KAT2B: variants seen among roughly 807,000 people sequenced by gnomAD.
The protein encoded by KAT2B is lysine acetyltransferase 2B.
In KAT2B, 36 loss-of-function variants were observed where a neutral mutation model predicts 105.9. That is an observed-to-expected ratio of 0.34 (90% CI 0.26 to 0.45). The LOEUF is 0.45. KAT2B is among the 20% of genes least tolerant of loss of function. The pLI, the probability that KAT2B is intolerant of heterozygous loss-of-function variation, is 1.00. For synonymous variants in KAT2B, 397 were observed against 377.9 expected (o/e 1.05, Z -0.59); for missense variants, 820 against 1,021.6 (o/e 0.80, Z 2.69).
chr3:20,085,421 A>G (rs1165737581), intron 2 of KAT2B, among the ~76,000 whole-genome samples: 1 of 152,220 alleles, frequency 6.6e-6, no homozygotes, highest in African/African-American at 2.4e-5. Flanking sequence ...GTGATGAGGT[A>G]ACGTATTGTA....
At chr3:20,117,393 C>T (rs1699225461) in intron 7 of KAT2B, among the ~76,000 whole-genome samples, 2 of 152,238 alleles carry the variant, frequency 1.3e-5, no homozygotes, top group South Asian at 2.1e-4. Flanking sequence ...GTCTGCGTAT[C>T]GATGCAACTG....
At chr3:20,060,438 C>G (rs9875437) in intron 1 of KAT2B, among the ~76,000 whole-genome samples, 4,009 of 152,136 alleles carry the variant, frequency 0.026, 162 homozygotes, top group African/African-American at 0.091. Context: ...CCTGTCTCTA[C>G]TAAAAATACA....
At chr3:20,095,486 T>C in intron 3 of KAT2B, 78 bp downstream of exon 3, 1 of 974,782 alleles carries the variant, frequency 1.0e-6, no homozygotes, top group Non-Finnish European at 1.5e-6. Flanking sequence ...GTCGTGGCTG[T>C]GAAGGCTTTC....
chr3:20,062,148 A>AT (rs1338627956), intron 1 of KAT2B, among the ~76,000 whole-genome samples: 1 of 93,570 alleles, frequency 1.1e-5, no homozygotes, highest in African/African-American at 4.6e-5. Flanking sequence ...TATAATATAT[A>AT]AAAATATATA....
At position 20,137,075 on chromosome 3, in the gene KAT2B, C is replaced by G. The variant is rs758295068; in HGVS notation, c.1860+23C>G. On this transcript the variant is annotated intron_variant, in intron 12 of 17. Coordinates refer to ENST00000263754, the MANE Select transcript of KAT2B (RefSeq NM_003884.5). ...CAGGTTGGTTTCTCACCACGCAACA[C>G]TGTTTTGTCACTCCTTTTCTTAATA... is the stretch of plus-strand genomic sequence containing the variant. 7.9e-6 allele frequency: 9 copies of G among 1,134,936 alleles called. No homozygotes were observed. The African/African-American group carries it at 1.2e-4, about 15-fold the overall frequency. 70.3% of individuals were successfully genotyped at this position (1,134,936 alleles called of 1,614,324 possible). A position where few individuals can be genotyped will look rare whatever the true frequency, so the allele number is the denominator to read the frequency against.
chr3:20,053,042 A>C (rs1384276044), intron 1 of KAT2B, among the ~76,000 whole-genome samples: 1 of 152,200 alleles, frequency 6.6e-6, no homozygotes, highest in Non-Finnish European at 1.5e-5. Flanking sequence ...GGTCTGCAGC[A>C]GGGCAGCCTC....
intron 13 of KAT2B, among the ~76,000 whole-genome samples, chr3:20,142,028 C>T (rs1002098231): frequency 2.6e-5 from 4 of 152,154 alleles, no homozygotes; most frequent in African/African-American, 7.2e-5. Flanking sequence ...AAGCCATCAC[C>T]CCGCTGTCAG....
chr3:20,093,713 T>C (rs1416957974), intron 2 of KAT2B, among the ~76,000 whole-genome samples: 5 of 152,216 alleles, frequency 3.3e-5, no homozygotes, highest in African/African-American at 1.2e-4. Flanking sequence ...TTAATCTTTC[T>C]TTAAAAATCA....
chr3:20,060,760 A>G (rs1698086908), intron 1 of KAT2B, among the ~76,000 whole-genome samples: 1 of 152,120 alleles, frequency 6.6e-6, no homozygotes, highest in African/African-American at 2.4e-5. Context: ...CCCTGTCTCT[A>G]CCAAAAAATA....
At chr3:20,144,866 G>T (rs1039795204) in intron 13 of KAT2B, among the ~76,000 whole-genome samples, 32 of 151,632 alleles carry the variant, frequency 2.1e-4, no homozygotes, top group African/African-American at 6.8e-4. Flanking sequence ...CACAACCTTG[G>T]TTCACTGCAA....
intron 8 of KAT2B, among the ~76,000 whole-genome samples, chr3:20,121,051 G>C (rs1299833977): frequency 6.6e-6 from 1 of 151,942 alleles, no homozygotes; most frequent in Non-Finnish European, 1.5e-5. Flanking sequence ...CCCCAGCTAC[G>C]AAATAAATAG....
chr3:20,100,694 A>T (rs2125198546), intron 4 of KAT2B, among the ~76,000 whole-genome samples: 1 of 152,264 alleles, frequency 6.6e-6, no homozygotes, highest in Non-Finnish European at 1.5e-5. Context: ...TTGCTCTTTT[A>T]TTTGAAATTA....
chr3:20,050,116 C>T (rs1374693752), intron 1 of KAT2B, among the ~76,000 whole-genome samples: 1 of 151,492 alleles, frequency 6.6e-6, no homozygotes, highest in Non-Finnish European at 1.5e-5. Context: ...GGGACGACTG[C>T]TTGAGCCCAG....
intron 11 of KAT2B, among the ~76,000 whole-genome samples, chr3:20,134,873 CT>C (rs578188415): frequency 1.3e-5 from 2 of 152,000 alleles, no homozygotes; most frequent in African/African-American, 4.8e-5. Context: ...TTAATTTTGA[CT>C]TTTTTTTACT....
chr3:20,117,730 A>G (rs912607115), intron 7 of KAT2B, among the ~76,000 whole-genome samples: 2 of 152,248 alleles, frequency 1.3e-5, no homozygotes, highest in African/African-American at 2.4e-5. Context: ...CTCTCTGACA[A>G]TTGTCTGTAC....
intron 2 of KAT2B, among the ~76,000 whole-genome samples, chr3:20,084,791 T>C (rs1462989462): frequency 1.3e-5 from 2 of 152,164 alleles, no homozygotes; most frequent in Non-Finnish European, 2.9e-5. Flanking sequence ...TTCTTGAGCC[T>C]TCTAAAAATA....
chr3:20,152,308 C>T, intron 17 of KAT2B, 24 bp from the exon 18 acceptor site: 1 of 1,577,382 alleles, frequency 6.3e-7, no homozygotes, highest in Non-Finnish European at 8.7e-7. Context: ...TCAAAGATTG[C>T]TAATATTTTT....
chr3:20,090,363 G>A (rs1698695269), intron 2 of KAT2B, among the ~76,000 whole-genome samples: 1 of 152,166 alleles, frequency 6.6e-6, no homozygotes, highest in South Asian at 2.1e-4. Flanking sequence ...TTGTGTTGAG[G>A]TACAGCACAT....
rs539571812 is a variant in KAT2B at position 20,041,252 on chromosome 3, C to T, written c.303+472C>T. ...CAAGGAGTGGGGGTGGAGAAGACTC[C>T]CGGACTCCTGGCGCTTTGGGAAAGC... On this transcript the variant is annotated intron_variant, in intron 1 of 17. Coordinates refer to ENST00000263754, the MANE Select transcript of KAT2B (RefSeq NM_003884.5). Among the ~76,000 whole-genome samples the T allele has an allele frequency of 5.9e-5, 9 of 152,072 alleles. No homozygotes were observed. The East Asian group carries it at 1.6e-3, about 26-fold the overall frequency.
Sources: allele counts gnomAD v4.1 joint callset (sites outside exome capture counted in the v4.1 genomes callset), GRCh38; gene constraint gnomAD v4.1.1; transcripts MANE v1.5; gene names NCBI Gene and HGNC (gene_info 2026-07-23, HGNC 2026-07-21).